ARL14EP: variants seen among roughly 807,000 people sequenced by gnomAD.
ARL14EP encodes ARF like GTPase 14 effector protein.
In ARL14EP, 12 loss-of-function variants were observed where a neutral mutation model predicts 23.1. That is an observed-to-expected ratio of 0.52 (90% CI 0.33 to 0.84). The LOEUF is 0.84. Among genes scored for constraint, ARL14EP ranks in the 40% least tolerant of loss-of-function variants. The pLI is 0.02. For missense variants in ARL14EP, 253 were observed against 307.3 expected, an observed-to-expected ratio of 0.82 and a Z score of 1.32; for synonymous variants, 97 against 102.0, an observed-to-expected ratio of 0.95 and a Z score of 0.29.
chr11:30,334,168 A>G (rs1196467336), intron 3 of ARL14EP, among the ~76,000 whole-genome samples: 1 of 148,622 alleles, frequency 6.7e-6, no homozygotes, highest in African/African-American at 2.5e-5. Flanking sequence ...TAATGAAGGT[A>G]GCTACACTAC....
At chr11:30,323,368 C>T (rs1007582635) in intron 1 of ARL14EP, among the ~76,000 whole-genome samples, 166 bp downstream of exon 1, 7 of 152,288 alleles carry the variant, frequency 4.6e-5, no homozygotes, top group African/African-American at 1.7e-4. Flanking sequence ...CCTCTCACCC[C>T]TACCCCCGCG....
chr11:30,324,785 AT>A (rs1451287663), intron 1 of ARL14EP, among the ~76,000 whole-genome samples: 11 of 152,324 alleles, frequency 7.2e-5, no homozygotes, highest in Non-Finnish European at 1.6e-4. Context: ...TGAGGAGCAA[AT>A]ACTTTTGTTT....
At chr11:30,325,987 G>T (rs751696681) in intron 1 of ARL14EP, among the ~76,000 whole-genome samples, 1 of 152,142 alleles carries the variant, frequency 6.6e-6, no homozygotes, top group Non-Finnish European at 1.5e-5. Flanking sequence ...AACCTGAAAG[G>T]CTGTGCTCTC....
At chr11:30,326,117 CTG>C (rs1947233412) in intron 1 of ARL14EP, among the ~76,000 whole-genome samples, 1 of 152,124 alleles carries the variant, frequency 6.6e-6, no homozygotes, top group Admixed American at 6.5e-5. Flanking sequence ...AAATACATAT[CTG>C]TGTTTTTCTT....
At chr11:30,327,233 T>C (rs1947243007) in intron 1 of ARL14EP, among the ~76,000 whole-genome samples, 1 of 152,224 alleles carries the variant, frequency 6.6e-6, no homozygotes, top group African/African-American at 2.4e-5. Flanking sequence ...TTACAGAGTC[T>C]ATTCCATTAG....
rs558035162 is a variant in ARL14EP at position 30,337,751 on chromosome 11, C to T, written c.*956C>T. 8 of 152,260 alleles carry T rather than the reference C, an allele frequency of 5.3e-5. No individual in the cohort carries two copies. In the East Asian group the frequency reaches 1.2e-3, roughly 22 times the overall value. 9.4% of individuals were successfully genotyped at this position (152,260 alleles called of 1,614,324 possible). On this transcript the variant is annotated 3_prime_UTR_variant, in exon 4 of 4. Transcript: ENST00000282032. ...TGACCCAAACTTAGAAGGAGTATGG[C>T]AGTTTGCCGTGAACATAAAAGATGC...
At position 30,331,392 on chromosome 11, in the gene ARL14EP, T is replaced by C; in HGVS notation, c.426+18T>C. The C allele has an allele frequency of 1.2e-6, 2 of 1,613,638 alleles. No individual in the cohort carries two copies. Among genetic ancestry groups the C allele is most frequent in the Middle Eastern group, 1.7e-4 (1 of 6,060 alleles). On this transcript the variant is annotated intron_variant, in intron 2 of 3. Transcript: ENST00000282032. ...AGTCAGATGTATGTGTAATAGTCAT[T>C]TTTTTCTACATTGTGAATTCTACCA...
At chr11:30,324,754 G>A (rs1947224423) in intron 1 of ARL14EP, among the ~76,000 whole-genome samples, 2 of 152,202 alleles carry the variant, frequency 1.3e-5, no homozygotes, top group African/African-American at 4.8e-5. Context: ...AATTCCCTGA[G>A]CTGGCAGCGT....
chr11:30,330,352 A>C (rs1343142899), intron 1 of ARL14EP: 1 of 152,388 alleles, frequency 6.6e-6, no homozygotes, highest in African/African-American at 2.4e-5. Context: ...ATCTGATGGA[A>C]CTTTGATTGT....
chr11:30,330,905 A>G lies in ARL14EP; in HGVS notation c.-44A>G. On this transcript the variant is annotated 5_prime_UTR_variant, in exon 2 of 4. It removes the in-frame stop codon of an upstream open reading frame in the 5' UTR. Transcript: ENST00000282032. ...CTCTAGGGTGATCAGCCCATGACCTAAACCTCCAGACAAAATAAAACGGAA... is the reference window on the plus strand; with the variant it reads ...CTCTAGGGTGATCAGCCCATGACCTGAACCTCCAGACAAAATAAAACGGAA... 1 of 1,558,038 alleles carries G rather than the reference A, an allele frequency of 6.4e-7. No homozygotes were observed. The highest frequency in any genetic ancestry group is 8.7e-7 in the Non-Finnish European group (1 of 1,152,964).
At chr11:30,324,623 G>A (rs1272232914) in intron 1 of ARL14EP, among the ~76,000 whole-genome samples, 2 of 152,014 alleles carry the variant, frequency 1.3e-5, no homozygotes, top group Non-Finnish European at 2.9e-5. Flanking sequence ...CATCATGGCC[G>A]CGTGTGAGTT....
chr11:30,326,805 GACTCAGGTGTGTGCAGTTTT>G (rs72036599), intron 1 of ARL14EP, among the ~76,000 whole-genome samples: 53,137 of 151,738 alleles, frequency 0.35, 9,982 homozygotes, highest in East Asian at 0.6. Context: ...AAACTACCTT[GACTCAGGTGTGTGCAGTTTT>G]ACTCAGGTGT....
rs371342239 is a variant in ARL14EP, at chr11:30,337,135, CTGT to C, written c.*348_*350del. On this transcript the variant is annotated 3_prime_UTR_variant, in exon 4 of 4. Coordinates refer to ENST00000282032, the MANE Select transcript of ARL14EP (RefSeq NM_152316.3). Reference sequence around the variant, plus strand: ...GAAGGAAAGAAAACTGGTAAGGAAACTGTTGTTGTTAAAATCTAGGTTAAAATT... The same window carrying C: ...GAAGGAAAGAAAACTGGTAAGGAAACTGTTGTTAAAATCTAGGTTAAAATT... 5.1e-4 allele frequency: 150 copies of C among 292,852 alleles called. No individual in the cohort carries two copies. The highest frequency in any genetic ancestry group is 2.8e-3 in the African/African-American group (125 of 45,418). The allele number at this position is 292,852 out of a possible 1,614,324, so 18.1% of individuals were successfully genotyped here.
intron 3 of ARL14EP, among the ~76,000 whole-genome samples, chr11:30,335,181 A>G (rs554125136): frequency 6.6e-6 from 1 of 152,356 alleles, no homozygotes; most frequent in East Asian, 1.9e-4. Flanking sequence ...CAAGAGAACT[A>G]GAATTAGAAG....
chr11:30,333,020 T>A (rs1029117682), intron 3 of ARL14EP, 27 bp downstream of exon 3: 16 of 1,610,672 alleles, frequency 9.9e-6, no homozygotes, highest in Non-Finnish European at 1.4e-5. Flanking sequence ...TGAAGACATG[T>A]TAACTTGCTG....
chr11:30,332,705 T>C (rs573215339), intron 2 of ARL14EP, among the ~76,000 whole-genome samples, 161 bp from the exon 3 acceptor site: 4 of 152,348 alleles, frequency 2.6e-5, no homozygotes, highest in East Asian at 1.9e-4. Flanking sequence ...TCTAGGGCCA[T>C]GTAAATTTTC....
chr11:30,324,138 T>C (rs573419494), intron 1 of ARL14EP, among the ~76,000 whole-genome samples: 12 of 152,326 alleles, frequency 7.9e-5, no homozygotes, highest in African/African-American at 2.4e-4. Context: ...TACCCATAAC[T>C]AAAGCTCCTG....
rs1947277075 is a variant in ARL14EP, at chr11:30,330,932, AT to A, written c.-14del. The A allele has an allele frequency of 2.5e-6, 4 of 1,613,328 alleles. No individual in the cohort carries two copies. The African/African-American group carries it at 5.3e-5, about 22-fold the overall frequency. ...ACCTCCAGACAAAATAAAACGGAAA[AT>A]TTGCTAGAATCAAGAATGATGGATC... On this transcript the variant is annotated 5_prime_UTR_variant, in exon 2 of 4. Transcript: ENST00000282032.
At chr11:30,330,263 A>G (rs1325664337) in intron 1 of ARL14EP, 1 of 152,284 alleles carries the variant, frequency 6.6e-6, no homozygotes, top group Non-Finnish European at 1.5e-5. Context: ...ATTTTCCTTC[A>G]GGATTACCTT....
Sources: allele counts gnomAD v4.1 joint callset (sites outside exome capture counted in the v4.1 genomes callset), GRCh38; gene constraint gnomAD v4.1.1; transcripts MANE v1.5; gene names NCBI Gene and HGNC (gene_info 2026-07-23, HGNC 2026-07-21).